KIAA1210: variants seen among roughly 807,000 people sequenced by gnomAD.
KIAA1210 encodes the protein KIAA1210.
KIAA1210 carries 48 observed loss-of-function variants against 78.9 expected under a neutral mutation model. The observed-to-expected ratio is 0.61, with a 90% confidence interval of 0.48 to 0.77. The LOEUF (loss-of-function observed/expected upper bound fraction) is 0.77, where lower values mean the gene tolerates loss of function less well. Ranked by LOEUF, KIAA1210 falls within the 30% of genes least tolerant of loss-of-function variation. The pLI, the probability that KIAA1210 is intolerant of heterozygous loss-of-function variation, is 0.00. For missense variants in KIAA1210, 1,108 were observed against 1,100.0 expected, an observed-to-expected ratio of 1.01 and a Z score of -0.10; for synonymous variants, 406 against 404.5, an observed-to-expected ratio of 1.00 and a Z score of -0.04.
chrX:119,150,572 G>A, exon 1 of KIAA1210: 1 of 1,204,656 alleles, frequency 8.3e-7, no homozygotes, highest in Non-Finnish European at 1.1e-6. Flanking sequence ...CGTCCAGCCG[G>A]CCCTCATTTC....
intron 1 of KIAA1210, among the ~76,000 whole-genome samples, chrX:119,126,103 GCT>G (rs1928638009): frequency 9.2e-6 from 1 of 108,483 alleles, no homozygotes; most frequent in South Asian, 4.1e-4. Flanking sequence ...CTCCAGATCT[GCT>G]CTTTTCCCAG....
upstream of KIAA1210, among the ~76,000 whole-genome samples, chrX:119,128,616 C>T (rs1194969735): frequency 1.8e-5 from 2 of 111,802 alleles, no homozygotes; most frequent in Non-Finnish European, 3.8e-5. Flanking sequence ...CCATGATCAT[C>T]CTAGTTAAAA....
rs1927288505 is a variant in KIAA1210 at position 119,089,398 on chromosome X, A to G, written c.1304T>C (p.Leu435Pro). ...QPETTTPQGL[L>P]SDKDDMGRRN... ...CCTTCCCATGTCATCTTTATCTGAA[A>G]GCAACCCCTGAGGGGTAGTGGTTTC... is the stretch of plus-strand genomic sequence containing the variant. Residue 435 changes from leucine to proline, a missense_variant, in exon 9 of 12, where the codon CTT becomes CCT. By Grantham distance (98) the Leu-to-Pro change is moderately conservative. Around this residue, in one of 5 missense-constraint regions of KIAA1210, gnomAD observed 672 missense variants for 607.1 expected, o/e 1.11. Coordinates refer to ENST00000691062, the MANE Select transcript of KIAA1210 (RefSeq NM_001394962.1). 2.5e-6 allele frequency: 3 copies of G among 1,210,088 alleles called. No individual in the cohort carries two copies. The highest frequency in any genetic ancestry group is 3.4e-6 in the Non-Finnish European group (3 of 895,154).
At chrX:119,131,768 C>T (rs1365710342), upstream of KIAA1210, among the ~76,000 whole-genome samples, 1 of 112,066 alleles carries the variant, frequency 8.9e-6, no homozygotes, top group African/African-American at 3.2e-5. Context: ...CCTTAGCTAA[C>T]AGCCATCAAG....
rs925951209 is a variant in KIAA1210, at chrX:119,138,479, A to G, written c.410+8994T>C. Among the ~76,000 whole-genome samples, 17 of 111,171 alleles carry G rather than the reference A, an allele frequency of 1.5e-4. No individual in the cohort carries two copies. In the East Asian group the frequency reaches 1.7e-3, roughly 11 times the overall value. ...GGTGATCTGTCCGCCTTGGCCTCCA[A>G]AAGTGCTAGGATTACAGGCATGAGC... is the stretch of plus-strand genomic sequence containing the variant. On this transcript the variant is annotated intron_variant, in intron 2 of 13. Coordinates refer to the KIAA1210 transcript ENST00000402510.
In KIAA1210 at chrX:119,141,621, G is replaced by C. The variant is rs1929052418; in HGVS notation, c.410+5852C>G. 2.7e-5 allele frequency among the ~76,000 whole-genome samples: 3 copies of C among 112,589 alleles called. No homozygotes were observed. In the South Asian group the frequency reaches 1.1e-3, roughly 41 times the overall value. ...TTTCTACTTTTAGAAGTTCAAGCAAGTTGATTTAACAATATGGGGCCCTTT... is the reference window on the plus strand; with the variant it reads ...TTTCTACTTTTAGAAGTTCAAGCAACTTGATTTAACAATATGGGGCCCTTT... On this transcript the variant is annotated intron_variant, in intron 2 of 13. Coordinates refer to the KIAA1210 transcript ENST00000402510.
At chrX:119,101,917 A>G (rs147740708) in intron 6 of KIAA1210, among the ~76,000 whole-genome samples, 1 of 112,585 alleles carries the variant, frequency 8.9e-6, no homozygotes, top group Non-Finnish European at 1.9e-5. Flanking sequence ...ATGTCTGTAA[A>G]ATGGGAATAA....
In KIAA1210 at chrX:119,087,149, C is replaced by T. The variant is rs185459130; in HGVS notation, c.3553G>A (p.Gly1185Ser). The change falls in exon 9 of 12, where the codon GGT becomes AGT. Residue 1185 changes from glycine (G) to serine (S), a missense_variant. This residue lies in a region of KIAA1210 where 245 missense variants were observed against 278.8 expected (regional missense o/e 0.88). Coordinates refer to ENST00000691062, the MANE Select transcript of KIAA1210 (RefSeq NM_001394962.1). ...PVNVPVKQSS[G>S]EKHLPSSSPF... ...CTACTTGAAGGCAGGTGCTTCTCAC[C>T]GCTGCTCTGCTTTACAGGTACATTC... 89 of 1,210,051 alleles carry T rather than the reference C, an allele frequency of 7.4e-5. No homozygotes were observed. The African/African-American group carries it at 1.2e-3, about 17-fold the overall frequency.
At chrX:119,083,825 A>G (rs1927039815) in intron 10 of KIAA1210, among the ~76,000 whole-genome samples, 1 of 108,199 alleles carries the variant, frequency 9.2e-6, no homozygotes, top group African/African-American at 3.4e-5. Context: ...CATCTCTACA[A>G]AAAATTTTAA....
rs1364419583 is a variant in KIAA1210 at position 119,089,444 on chromosome X, G to A, written c.1258C>T (p.Gln420Ter). 1 of 1,210,372 alleles carries A rather than the reference G, an allele frequency of 8.3e-7. No individual in the cohort carries two copies. Among genetic ancestry groups the A allele is most frequent in the East Asian group, 3.0e-5 (1 of 33,787 alleles). ...GTTTCTGGTTGTGAAGTTGTAGGCTGCTCCATGTTGTCCTTCTCTAAGGAC... is the reference window on the plus strand; with the variant it reads ...GTTTCTGGTTGTGAAGTTGTAGGCTACTCCATGTTGTCCTTCTCTAAGGAC... ...HLSLEKDNME[Q>*]PTTSQPETTT... is the part of the protein sequence containing the mutation. Residue 420 changes from glutamine (Q) to a stop codon, truncating the protein, a stop_gained, in exon 9 of 12, where the codon CAG becomes TAG. Coordinates refer to ENST00000691062, the MANE Select transcript of KIAA1210 (RefSeq NM_001394962.1). LOFTEE classifies it high-confidence loss of function.
intron 6 of KIAA1210, among the ~76,000 whole-genome samples, chrX:119,101,881 C>T (rs754515214): frequency 8.9e-6 from 1 of 111,969 alleles, no homozygotes; most frequent in South Asian, 3.8e-4. Context: ...GAGCAAGTTC[C>T]CTAGCCCTTT....
intron 6 of KIAA1210, among the ~76,000 whole-genome samples, chrX:119,103,610 G>A (rs1468014176): frequency 9.0e-6 from 1 of 111,588 alleles, no homozygotes; most frequent in Non-Finnish European, 1.9e-5. Flanking sequence ...ATACCCAAAA[G>A]AATTGAAAAC....
In KIAA1210 at chrX:119,109,193, G is replaced by A; in HGVS notation, c.240C>T (p.Ser80=). The A allele has an allele frequency of 8.3e-7, 1 of 1,200,760 alleles. No individual in the cohort carries two copies. The highest frequency in any genetic ancestry group is 1.8e-5 in the South Asian group (1 of 55,098). Residue 80 remains serine (S), a synonymous_variant, in exon 4 of 12, where the codon AGC becomes AGT. Transcript: ENST00000691062. ...GGGATAGGGCTTTGCTCCCCATGCT[G>A]CTCTTGGCCCTGGACAGAAAGGAAA... is the stretch of plus-strand genomic sequence containing the variant. ...ENQPTKARAK[S]SMGSKALSHD...
In KIAA1210 at chrX:119,085,416, T is replaced by C; in HGVS notation, c.4287A>G (p.Gly1429=). 1 of 1,211,450 alleles carries C rather than the reference T, an allele frequency of 8.3e-7. No individual in the cohort carries two copies. The highest frequency in any genetic ancestry group is 1.1e-6 in the Non-Finnish European group (1 of 895,271). Residue 1429 remains glycine (G), a synonymous_variant, in exon 10 of 12, where the codon GGA becomes GGG. Transcript: ENST00000691062. The part of the protein sequence containing the change: ...VKELKTKSNA[G]ADAETKEPKY... The stretch of plus-strand genomic sequence containing the variant: ...TAGGCTCCTTAGTCTCAGCATCGGC[T>C]CCAGCATTGCTCTTAGTTTTCAGCT...
chrX:119,085,325 C>G, intron 10 of KIAA1210, 58 bp downstream of exon 10: 1 of 1,103,051 alleles, frequency 9.1e-7, no homozygotes, highest in South Asian at 2.1e-5. Flanking sequence ...CAATAGAAAC[C>G]TAATCAGTGA....
chrX:119,102,272 A>G (rs1173414772), intron 6 of KIAA1210, among the ~76,000 whole-genome samples: 1 of 113,064 alleles, frequency 8.8e-6, no homozygotes, highest in Non-Finnish European at 1.9e-5. Context: ...AAATGTAACT[A>G]TATAAGGAAA....
At position 119,108,428 on chromosome X, in the gene KIAA1210, A is replaced by G. The variant is rs1246957745; in HGVS notation, c.401T>C (p.Val134Ala). The change falls in exon 5 of 12, where the codon GTT becomes GCT. Residue 134 changes from valine to alanine, a missense_variant. By Grantham distance (64) the Val-to-Ala change is moderately conservative. Around this residue, in one of 5 missense-constraint regions of KIAA1210, gnomAD observed 672 missense variants for 607.1 expected, o/e 1.11. Coordinates refer to ENST00000691062, the MANE Select transcript of KIAA1210 (RefSeq NM_001394962.1). Reference sequence around the variant, plus strand: ...CATGGCTCCAGACACAACTCCAGGAACCTTACTCCTAGGTTTAGGCAGAGT... The same window carrying G: ...CATGGCTCCAGACACAACTCCAGGAGCCTTACTCCTAGGTTTAGGCAGAGT... The part of the protein sequence containing the change: ...SRTLPKPRSK[V>A]PGVVSGAMSG... The G allele has an allele frequency of 8.3e-6, 10 of 1,207,800 alleles. No individual in the cohort carries two copies. Among genetic ancestry groups the G allele is most frequent in the Non-Finnish European group, 1.0e-5 (9 of 893,957 alleles).
rs535076665 is a variant in KIAA1210 at position 119,098,840 on chromosome X, T to C, written c.649-2149A>G. 6.7e-4 allele frequency among the ~76,000 whole-genome samples: 75 copies of C among 111,800 alleles called. No homozygotes were observed. In the South Asian group the frequency reaches 0.028, roughly 41 times the overall value. ...TTTATCTGTTCTATGTACTACTGTA[T>C]TGGGGATACAGTACCTCCAACTGTG... On this transcript the variant is annotated intron_variant, in intron 6 of 11. Coordinates refer to ENST00000691062, the MANE Select transcript of KIAA1210 (RefSeq NM_001394962.1).
intron 5 of KIAA1210, among the ~76,000 whole-genome samples, chrX:119,108,019 T>G (rs1927943038): frequency 8.9e-6 from 1 of 111,860 alleles, no homozygotes; most frequent in Non-Finnish European, 1.9e-5. Context: ...ATAAAGAAGT[T>G]GAGCATCTTG....
Sources: gnomAD v4.1 joint callset for allele counts (sites outside exome capture counted in the v4.1 genomes callset) on GRCh38, gnomAD v4.1.1 for gene constraint, gnomAD v4.1.1 regional missense constraint, MANE v1.5 for transcripts, NCBI Gene and HGNC (gene_info 2026-07-23, HGNC 2026-07-21) for gene names.